ACOXL: variants seen among roughly 807,000 people sequenced by gnomAD.
ACOXL encodes acyl-CoA oxidase like.
In ACOXL, 70 loss-of-function variants were observed where a neutral mutation model predicts 71.9. That is an observed-to-expected ratio of 0.97 (90% confidence interval 0.80 to 1.19). ACOXL has a LOEUF of 1.19. Among genes scored for constraint, ACOXL ranks in the 50% most tolerant of loss-of-function variants. The pLI, the probability that ACOXL is intolerant of heterozygous loss-of-function variation, is 0.00. For missense variants in ACOXL, 703 were observed against 736.3 expected, an observed-to-expected ratio of 0.95 and a Z score of 0.52; for synonymous variants, 253 against 281.6, an observed-to-expected ratio of 0.90 and a Z score of 1.02.
At chr2:110,749,524 G>T (rs1157392928) in intron 1 of ACOXL, among the ~76,000 whole-genome samples, 1 of 152,170 alleles carries the variant, frequency 6.6e-6, no homozygotes, top group South Asian at 2.1e-4. Context: ...TCAGGAGTTC[G>T]AGAGCAGCTT....
At chr2:110,818,273 A>T (rs947618238) in intron 9 of ACOXL, among the ~76,000 whole-genome samples, 1 of 151,338 alleles carries the variant, frequency 6.6e-6, no homozygotes, top group Admixed American at 6.6e-5. Context: ...ATGCGCCTAT[A>T]TTCCCAGCTA....
At position 111,096,329 on chromosome 2, in the gene ACOXL, C is replaced by A. The variant is rs561451643; in HGVS notation, c.1542+3363C>A. On this transcript the variant is annotated intron_variant, in intron 17 of 17. Coordinates refer to ENST00000439055, the MANE Select transcript of ACOXL (RefSeq NM_001142807.4). ...TTAGCTCACTTCAACCTCTGCCTCCCGGGTCCCCATTCAAGCCATTCTCCT... is the reference window on the plus strand; with the variant it reads ...TTAGCTCACTTCAACCTCTGCCTCCAGGGTCCCCATTCAAGCCATTCTCCT... 3.3e-5 allele frequency among the ~76,000 whole-genome samples: 5 copies of A among 151,698 alleles called. No individual in the cohort carries two copies. In the South Asian group the frequency reaches 8.3e-4, roughly 25 times the overall value.
chr2:111,109,437 C>T (rs888976907), intron 17 of ACOXL, among the ~76,000 whole-genome samples: 2 of 129,638 alleles, frequency 1.5e-5, no homozygotes, highest in African/African-American at 5.9e-5. Flanking sequence ...GTACTGATGG[C>T]CTGTTCATTT....
intron 10 of ACOXL, among the ~76,000 whole-genome samples, chr2:110,875,844 C>G (rs1332471811): frequency 1.3e-5 from 2 of 152,092 alleles, no homozygotes; most frequent in African/African-American, 4.8e-5. Context: ...TTTGTAACCT[C>G]TACAATGGAT....
intron 7 of ACOXL, among the ~76,000 whole-genome samples, chr2:110,799,366 A>G (rs1323927630): frequency 1.3e-5 from 2 of 152,078 alleles, no homozygotes; most frequent in Admixed American, 6.5e-5. Flanking sequence ...TTTGCCCACA[A>G]TCCTGTTTTG....
At chr2:110,735,686 G>T (rs1676746496) in intron 1 of ACOXL, among the ~76,000 whole-genome samples, 1 of 152,188 alleles carries the variant, frequency 6.6e-6, no homozygotes, top group Non-Finnish European at 1.5e-5. Context: ...CAGACTCCGG[G>T]AGCATCCTGG....
In ACOXL at chr2:110,873,004, T is replaced by C. The variant is rs546574526; in HGVS notation, c.788+31599T>C. Among the ~76,000 whole-genome samples the C allele has an allele frequency of 2.0e-5, 3 of 152,346 alleles. No individual in the cohort carries two copies. In the East Asian group the frequency reaches 5.8e-4, roughly 29 times the overall value. On this transcript the variant is annotated intron_variant, in intron 10 of 17. Coordinates refer to ENST00000439055, the MANE Select transcript of ACOXL (RefSeq NM_001142807.4). ...AAAAACTTGTGTAGCATTTCTATTT[T>C]GTTTTTTCTGCCTGCATTTGTTTTA...
intron 10 of ACOXL, among the ~76,000 whole-genome samples, chr2:110,885,793 A>G (rs764553693): frequency 3.3e-5 from 5 of 152,172 alleles, no homozygotes; most frequent in East Asian, 1.9e-4. Context: ...GTCTGTCACA[A>G]TATTTCAGAT....
chr2:110,801,258 A>G (rs1389195818), intron 7 of ACOXL, among the ~76,000 whole-genome samples: 1 of 152,192 alleles, frequency 6.6e-6, no homozygotes, highest in Non-Finnish European at 1.5e-5. Flanking sequence ...TGAGCACTGC[A>G]TTCCTGGGGA....
chr2:111,014,868 A>G (rs924383771), intron 14 of ACOXL, among the ~76,000 whole-genome samples: 2 of 152,230 alleles, frequency 1.3e-5, no homozygotes, highest in Non-Finnish European at 2.9e-5. Context: ...AAATTCAATG[A>G]TGAAAAGAAT....
At chr2:110,764,199 A>G in intron 1 of ACOXL, among the ~76,000 whole-genome samples, 1 of 152,230 alleles carries the variant, frequency 6.6e-6, no homozygotes, top group East Asian at 1.9e-4. Flanking sequence ...GTGCACACAG[A>G]AACCTGCACA....
intron 9 of ACOXL, among the ~76,000 whole-genome samples, chr2:110,819,340 C>T (rs1215943235): frequency 6.6e-6 from 1 of 152,142 alleles, no homozygotes; most frequent in Non-Finnish European, 1.5e-5. Flanking sequence ...GGTTCAGGAG[C>T]ACCTTGGTTA....
At chr2:110,784,468 A>C (rs900161813) in intron 2 of ACOXL, among the ~76,000 whole-genome samples, 1 of 152,226 alleles carries the variant, frequency 6.6e-6, no homozygotes, top group African/African-American at 2.4e-5. Context: ...GCAGGGTTGC[A>C]GGCTGGCCTC....
rs550431238 is a variant in ACOXL at position 111,031,829 on chromosome 2, G to A, written c.1369+115G>A. ...CCAACACACAGGGAAGGGACAGTCC[G>A]TGTGTTGAATTTAGGGCCCCAAGTG... is the stretch of plus-strand genomic sequence containing the variant. On this transcript the variant is annotated intron_variant, in intron 15 of 17. Coordinates refer to ENST00000439055, the MANE Select transcript of ACOXL (RefSeq NM_001142807.4). The A allele has an allele frequency of 5.9e-5, 63 of 1,065,682 alleles. No homozygotes were observed. The East Asian group carries it at 8.3e-4, about 14-fold the overall frequency. 66.0% of individuals were successfully genotyped at this position (1,065,682 alleles called of 1,614,324 possible). A position where few individuals can be genotyped will look rare whatever the true frequency, so the allele number is the denominator to read the frequency against.
chr2:111,030,570 C>A (rs1837371), intron 14 of ACOXL, among the ~76,000 whole-genome samples: 1 of 152,136 alleles, frequency 6.6e-6, no homozygotes, highest in Non-Finnish European at 1.5e-5. Context: ...TGTGTTACAG[C>A]AGGGATTTTA....
chr2:111,004,641 G>A lies in ACOXL; in HGVS notation c.1281+8637G>A, dbSNP rs562283313. On this transcript the variant is annotated intron_variant, in intron 14 of 17. Transcript: ENST00000439055. ...GTCATTACAGTTGCTGCATGATTTC[G>A]ACATCAGTGGGAAGAAAAAATAAAC... Among the ~76,000 whole-genome samples the A allele has an allele frequency of 7.9e-5, 12 of 152,162 alleles. No homozygotes were observed. The South Asian group carries it at 1.0e-3, about 13-fold the overall frequency.
intron 14 of ACOXL, among the ~76,000 whole-genome samples, chr2:111,007,709 A>G (rs1258458259): frequency 6.6e-6 from 1 of 152,234 alleles, no homozygotes; most frequent in African/African-American, 2.4e-5. Flanking sequence ...AAAAACCAGC[A>G]TCTGGTCTCT....
chr2:110,815,902 C>A (rs977284306), intron 9 of ACOXL, among the ~76,000 whole-genome samples: 4 of 152,210 alleles, frequency 2.6e-5, no homozygotes, highest in Non-Finnish European at 5.9e-5. Flanking sequence ...AGGACAGAAC[C>A]TGTGTCTTCT....
At chr2:110,950,119 T>G (rs2061271188) in intron 12 of ACOXL, among the ~76,000 whole-genome samples, 1 of 152,186 alleles carries the variant, frequency 6.6e-6, no homozygotes, top group African/African-American at 2.4e-5. Flanking sequence ...GTTACATATG[T>G]ACACATGTGC....
Sources: allele counts gnomAD v4.1 joint callset (sites outside exome capture counted in the v4.1 genomes callset), GRCh38; gene constraint gnomAD v4.1.1; transcripts MANE v1.5; gene names NCBI Gene and HGNC (gene_info 2026-07-23, HGNC 2026-07-21).